SCLY: variants seen among roughly 807,000 people sequenced by gnomAD.
SCLY encodes the protein selenocysteine lyase.
In SCLY, 38 loss-of-function variants were observed where a neutral mutation model predicts 50.1. That is an observed-to-expected ratio of 0.76 (90% CI 0.59 to 0.99). The LOEUF (loss-of-function observed/expected upper bound fraction) is 0.99, where lower values mean the gene tolerates loss of function less well. Ranked by LOEUF, SCLY falls within the 50% of genes least tolerant of loss-of-function variation. The pLI is 0.00. For missense variants in SCLY, 600 were observed against 620.0 expected, an observed-to-expected ratio of 0.97 and a Z score of 0.34; for synonymous variants, 243 against 249.4, an observed-to-expected ratio of 0.97 and a Z score of 0.24.
In SCLY at chr2:238,069,546, C is replaced by G; in HGVS notation, c.484+69C>G. 1.4e-6 allele frequency: 2 copies of G among 1,384,814 alleles called. No individual in the cohort carries two copies. Among genetic ancestry groups the G allele is most frequent in the South Asian group, 2.8e-5 (2 of 72,648 alleles). 85.8% of individuals were successfully genotyped at this position (1,384,814 alleles called of 1,614,324 possible). ...CAGCTGCGAGGCGGGAAGTGGCCTG[C>G]GAGCAGAGCCCGGGATCCGCTGCAG... On this transcript the variant is annotated intron_variant, in intron 4 of 11. Coordinates refer to ENST00000254663, the MANE Select transcript of SCLY (RefSeq NM_016510.7). The surrounding 1 kb of genome is among the most constrained non-coding windows in gnomAD (Gnocchi z 5.0).
At chr2:238,086,141 A>G (rs961898042) in intron 7 of SCLY, among the ~76,000 whole-genome samples, 2 of 152,270 alleles carry the variant, frequency 1.3e-5, no homozygotes, top group African/African-American at 4.8e-5. Context: ...CCGTCAAGCT[A>G]GAATCCTGTA....
chr2:238,091,649 G>A (rs2065363615), intron 8 of SCLY: 1 of 214,804 alleles, frequency 4.7e-6, no homozygotes, highest in Admixed American at 5.3e-5. Flanking sequence ...CCTCCACTGG[G>A]GCCTGTCCTG....
intron 11 of SCLY, 88 bp downstream of exon 11, chr2:238,096,964 G>T: frequency 1.5e-6 from 2 of 1,294,476 alleles, no homozygotes; most frequent in Non-Finnish European, 1.1e-6. Context: ...CGGCCACTGG[G>T]CCGCACTCTG....
At chr2:238,077,910 C>G (rs1284847768) in intron 4 of SCLY, among the ~76,000 whole-genome samples, 1 of 151,908 alleles carries the variant, frequency 6.6e-6, no homozygotes, top group Non-Finnish European at 1.5e-5. Context: ...CTAGGCCCAG[C>G]CCAAGATCCC....
intron 8 of SCLY, chr2:238,092,584 TA>T (rs1446249897): frequency 2.0e-5 from 3 of 152,234 alleles, no homozygotes; most frequent in African/African-American, 7.2e-5. Flanking sequence ...GCTTCCTAGG[TA>T]GAGCTTCAGC....
chr2:238,085,569 C>T lies in SCLY; in HGVS notation c.884+2215C>T, dbSNP rs1342812914. ...CCATCTCTACTGAAAAAAAAAAATACACAAAAAATTAGCCGGGCTTGGTGG... is the reference window on the plus strand; with the variant it reads ...CCATCTCTACTGAAAAAAAAAAATATACAAAAAATTAGCCGGGCTTGGTGG... On this transcript the variant is annotated intron_variant, in intron 7 of 11. Coordinates refer to ENST00000254663, the MANE Select transcript of SCLY (RefSeq NM_016510.7). Among the ~76,000 whole-genome samples, 4 of 151,162 alleles carry T rather than the reference C, an allele frequency of 2.6e-5. No individual in the cohort carries two copies. In the East Asian group the frequency reaches 5.8e-4, roughly 22 times the overall value.
Position 238,091,197 on chromosome 2 carries a change from TTAA to T in SCLY, c.885-19_885-17del. The T allele has an allele frequency of 1.9e-6, 3 of 1,607,382 alleles. No homozygotes were observed. Among genetic ancestry groups the T allele is most frequent in the Non-Finnish European group, 2.6e-6 (3 of 1,173,986 alleles). Reference sequence around the variant, plus strand: ...TCCTGAGACATTTGTTTATTCTTGCTTAATCCCTTGTTTCTTACAGGACAGAGA... The same window carrying T: ...TCCTGAGACATTTGTTTATTCTTGCTTCCCTTGTTTCTTACAGGACAGAGA... On this transcript the variant is annotated intron_variant, in intron 7 of 11. Coordinates refer to ENST00000254663, the MANE Select transcript of SCLY (RefSeq NM_016510.7).
chr2:238,096,659 G>A, intron 10 of SCLY, 142 bp from the exon 11 acceptor site: 1 of 872,772 alleles, frequency 1.1e-6, no homozygotes, highest in Admixed American at 2.2e-5. Context: ...TCTCTCCCCA[G>A]CTGCCAGAAT....
chr2:238,093,974 G>T lies in SCLY; in HGVS notation c.1005+30G>T, dbSNP rs764544098. The T allele has an allele frequency of 5.6e-6, 9 of 1,595,530 alleles. No individual in the cohort carries two copies. In the African/African-American group the frequency reaches 9.4e-5, roughly 17 times the overall value. On this transcript the variant is annotated intron_variant, in intron 9 of 11. Coordinates refer to ENST00000254663, the MANE Select transcript of SCLY (RefSeq NM_016510.7). Reference sequence around the variant, plus strand: ...GCGCAGCGTGGGGTGGGCACCAGGAGGGGGAGGGTGCGTGGGGCAGGTGCC... The same window carrying T: ...GCGCAGCGTGGGGTGGGCACCAGGATGGGGAGGGTGCGTGGGGCAGGTGCC...
In SCLY at chr2:238,096,852, C is replaced by T. The variant is rs780196093; in HGVS notation, c.1160C>T (p.Ala387Val). ...CRVLMASVGA[A>V]CHSDHGDQPS... ...GTGCTGATGGCCAGTGTGGGGGCCG[C>T]GTGCCACTCGGACCACGGGGACCAG... The change falls in exon 11 of 12, where the codon GCG (alanine) becomes GTG (valine). Residue 387 changes from alanine to valine, a missense_variant. Physicochemically the swap from Ala to Val is moderately conservative, Grantham distance 64. Transcript: ENST00000254663. 15 of 1,612,058 alleles carry T rather than the reference C, an allele frequency of 9.3e-6. No homozygotes were observed. The South Asian group carries it at 1.1e-4, about 12-fold the overall frequency.
chr2:238,093,303 C>G (rs1255648972), intron 8 of SCLY: 1 of 157,424 alleles, frequency 6.4e-6, no homozygotes, highest in Admixed American at 6.1e-5. Flanking sequence ...ACCATCGCAT[C>G]CCTCCCTCAG....
At chr2:238,086,439 G>A (rs990171240) in intron 7 of SCLY, among the ~76,000 whole-genome samples, 14 of 152,196 alleles carry the variant, frequency 9.2e-5, no homozygotes, top group East Asian at 3.8e-4. Flanking sequence ...AGGCTGACAC[G>A]ATGGCTCACA....
At chr2:238,091,557 A>T in intron 8 of SCLY, 42 of 332,058 alleles carry the variant, frequency 1.3e-4, no homozygotes, top group Admixed American at 3.1e-4. Flanking sequence ...CACCATTCCC[A>T]AAGGCGTCGG....
intron 6 of SCLY, chr2:238,082,832 T>C (rs1250338177): frequency 1.3e-5 from 4 of 299,600 alleles, no homozygotes; most frequent in Non-Finnish European, 2.7e-5. Context: ...GAGTTCTGCA[T>C]TGTGTCAGTT....
intron 10 of SCLY, chr2:238,095,908 C>CTTTT: frequency 7.2e-6 from 1 of 139,820 alleles, no homozygotes; most frequent in Non-Finnish European, 1.5e-5. Flanking sequence ...ACCTGGATAA[C>CTTTT]TTTTTTTTTT....
At chr2:238,085,038 C>T (rs1196532552) in intron 7 of SCLY, among the ~76,000 whole-genome samples, 1 of 151,944 alleles carries the variant, frequency 6.6e-6, no homozygotes, top group African/African-American at 2.4e-5. Flanking sequence ...TAAAGTAAGG[C>T]AAAAATGTCC....
chr2:238,093,780 C>G (rs2065394417), intron 8 of SCLY, 81 bp from the exon 9 acceptor site: 1 of 1,292,450 alleles, frequency 7.7e-7, no homozygotes, highest in Non-Finnish European at 1.1e-6. Context: ...TCAGGAAATG[C>G]CACCTGTACC....
intron 1 of SCLY, among the ~76,000 whole-genome samples, chr2:238,062,250 A>G (rs1432468458): frequency 6.6e-6 from 1 of 152,222 alleles, no homozygotes; most frequent in East Asian, 1.9e-4. Context: ...AGCTAGCCTA[A>G]GGTACTTTGG....
At chr2:238,089,421 C>T (rs1014654545) in intron 7 of SCLY, among the ~76,000 whole-genome samples, 17 of 152,168 alleles carry the variant, frequency 1.1e-4, no homozygotes, top group African/African-American at 3.9e-4. Flanking sequence ...GGTGCAGATA[C>T]AACCGCAGGA....
Sources: allele counts gnomAD v4.1 joint callset (sites outside exome capture counted in the v4.1 genomes callset), GRCh38; gene constraint gnomAD v4.1.1; non-coding constraint Gnocchi (gnomAD v3.1); transcripts MANE v1.5; gene names NCBI Gene and HGNC (gene_info 2026-07-23, HGNC 2026-07-21).